Variants in CDH12 observed in about 807,000 individuals in gnomAD.
CDH12 encodes the protein cadherin-12.
In CDH12, 41 loss-of-function variants were observed where a neutral mutation model predicts 74.1. The observed-to-expected ratio is 0.55, with a 90% confidence interval of 0.43 to 0.72. The LOEUF is 0.72. Ranked by LOEUF, CDH12 falls within the 30% of genes least tolerant of loss-of-function variation. The probability of loss-of-function intolerance (pLI) is 0.00; values close to 1 mark genes in which losing one functional copy is unlikely to be tolerated. For synonymous variants in CDH12, 399 were observed against 355.0 expected (o/e 1.12, Z -1.39); for missense variants, 945 against 977.2 (o/e 0.97, Z 0.44).
chr5:22,485,355 A>C (rs1746545530), intron 2 of CDH12, among the ~76,000 whole-genome samples: 1 of 152,106 alleles, frequency 6.6e-6, no homozygotes. Flanking sequence ...TTAATTAAAA[A>C]CATATACATT....
At chr5:22,185,615 C>A (rs1049194817) in intron 4 of CDH12, among the ~76,000 whole-genome samples, 2 of 152,174 alleles carry the variant, frequency 1.3e-5, no homozygotes, top group Non-Finnish European at 2.9e-5. Context: ...TTGTCTCAAA[C>A]ACATTTCCGT....
At chr5:22,662,496 G>T (rs1417981783) in intron 1 of CDH12, among the ~76,000 whole-genome samples, 1 of 152,078 alleles carries the variant, frequency 6.6e-6, no homozygotes, top group Non-Finnish European at 1.5e-5. Context: ...TATGCAATGA[G>T]TCCCATCAAA....
intron 1 of CDH12, among the ~76,000 whole-genome samples, chr5:22,676,600 T>C (rs1357151799): frequency 6.6e-6 from 1 of 152,178 alleles, no homozygotes. Context: ...GGCATGTAAT[T>C]CTAATGTATT....
intron 1 of CDH12, among the ~76,000 whole-genome samples, chr5:22,539,280 A>C (rs1053397220): frequency 3.3e-5 from 5 of 152,224 alleles, no homozygotes; most frequent in Non-Finnish European, 7.3e-5. Context: ...TTGACTGTAC[A>C]TAAAGTTTGT....
At chr5:22,026,755 C>G (rs1026216712) in intron 5 of CDH12, among the ~76,000 whole-genome samples, 3 of 152,172 alleles carry the variant, frequency 2.0e-5, no homozygotes, top group African/African-American at 7.2e-5. Flanking sequence ...CACACCCACA[C>G]TCCTGTCTTG....
intron 1 of CDH12, among the ~76,000 whole-genome samples, chr5:22,543,535 C>A (rs1738191138): frequency 6.6e-6 from 1 of 151,870 alleles, no homozygotes; most frequent in Non-Finnish European, 1.5e-5. Context: ...AATATTAAAC[C>A]ACCAAAAGGA....
At chr5:22,469,597 C>G (rs1413201751) in intron 2 of CDH12, among the ~76,000 whole-genome samples, 1 of 152,128 alleles carries the variant, frequency 6.6e-6, no homozygotes, top group African/African-American at 2.4e-5. Flanking sequence ...AGGTGGCATT[C>G]TGAGGTACTG....
At chr5:21,841,356 C>A (rs1579813763) in intron 8 of CDH12, among the ~76,000 whole-genome samples, 1 of 151,912 alleles carries the variant, frequency 6.6e-6, no homozygotes, top group African/African-American at 2.4e-5. Context: ...AGTCAGGAAA[C>A]AACAGGTGCT....
chr5:22,344,226 C>T (rs534250945), intron 3 of CDH12, among the ~76,000 whole-genome samples: 1 of 152,258 alleles, frequency 6.6e-6, no homozygotes, highest in East Asian at 1.9e-4. Context: ...TTACCATATA[C>T]ATTTTCAATT....
At chr5:22,014,951 G>A (rs984540143) in intron 5 of CDH12, among the ~76,000 whole-genome samples, 4 of 152,034 alleles carry the variant, frequency 2.6e-5, no homozygotes, top group Non-Finnish European at 4.4e-5. Flanking sequence ...GTATGCATAA[G>A]GCCTAGTTGA....
intron 5 of CDH12, among the ~76,000 whole-genome samples, chr5:22,075,348 TA>T (rs1186024984): frequency 6.7e-6 from 1 of 148,684 alleles, no homozygotes; most frequent in Admixed American, 6.7e-5. Flanking sequence ...CATTAGGAGA[TA>T]TACCTAATGT....
intron 1 of CDH12, among the ~76,000 whole-genome samples, chr5:22,687,699 G>T (rs961249556): frequency 2.6e-5 from 4 of 152,192 alleles, no homozygotes; most frequent in Non-Finnish European, 5.9e-5. Context: ...ACAGGCGTGA[G>T]CCACTGTGCC....
chr5:22,807,555 T>C (rs1485990250), intron 1 of CDH12, among the ~76,000 whole-genome samples: 1 of 152,202 alleles, frequency 6.6e-6, no homozygotes, highest in Non-Finnish European at 1.5e-5. Flanking sequence ...GGCAATTTCA[T>C]CATCATGGAA....
intron 8 of CDH12, among the ~76,000 whole-genome samples, chr5:21,824,294 A>G (rs1054907219): frequency 6.6e-6 from 1 of 151,866 alleles, no homozygotes; most frequent in African/African-American, 2.4e-5. Context: ...TTCTTACTTG[A>G]TGATGTGGTT....
intron 4 of CDH12, among the ~76,000 whole-genome samples, chr5:22,090,604 C>CAT (rs1176247249): frequency 2.3e-5 from 3 of 129,072 alleles, no homozygotes; most frequent in African/African-American, 9.9e-5. Flanking sequence ...CACATACATA[C>CAT]ATACACACAC....
intron 1 of CDH12, among the ~76,000 whole-genome samples, chr5:22,610,921 T>C (rs1257385311): frequency 6.6e-6 from 1 of 152,110 alleles, no homozygotes; most frequent in Non-Finnish European, 1.5e-5. Context: ...GATGAGGATG[T>C]ATACGAGGCA....
intron 3 of CDH12, among the ~76,000 whole-genome samples, chr5:22,275,167 T>C (rs1478006371): frequency 6.6e-6 from 1 of 151,954 alleles, no homozygotes; most frequent in African/African-American, 2.4e-5. Context: ...AGGACAGACA[T>C]CTAATTCATG....
At chr5:22,345,025 T>C (rs925270388) in intron 3 of CDH12, among the ~76,000 whole-genome samples, 1 of 152,228 alleles carries the variant, frequency 6.6e-6, no homozygotes, top group Non-Finnish European at 1.5e-5. Flanking sequence ...AAACTGCCCG[T>C]GTTCTGACGA....
intron 3 of CDH12, among the ~76,000 whole-genome samples, chr5:22,365,500 G>T (rs558930191): frequency 6.6e-6 from 1 of 152,222 alleles, no homozygotes; most frequent in Admixed American, 6.5e-5. Context: ...TAGTCCTTAA[G>T]AAGATAAATT....
Sources: gnomAD v4.1 joint callset for allele counts (sites outside exome capture counted in the v4.1 genomes callset) on GRCh38, gnomAD v4.1.1 for gene constraint, MANE v1.5 for transcripts, NCBI Gene and HGNC (gene_info 2026-07-23, HGNC 2026-07-21) for gene names.